COL11A1: variants seen among roughly 807,000 people sequenced by gnomAD.
COL11A1 encodes the protein collagen type XI alpha 1 chain, also known as collagen alpha-1(XI) chain.
COL11A1 carries 74 observed loss-of-function variants against 265.2 expected under a neutral mutation model. That is an observed-to-expected ratio of 0.28 (90% CI 0.23 to 0.34). The LOEUF (loss-of-function observed/expected upper bound fraction) is 0.34, where lower values mean the gene tolerates loss of function less well. Among genes scored for constraint, COL11A1 ranks in the 10% least tolerant of loss-of-function variants. The probability of loss-of-function intolerance (pLI) is 1.00; values close to 1 mark genes in which losing one functional copy is unlikely to be tolerated. For missense variants in COL11A1, 2,165 were observed against 2,263.6 expected, an observed-to-expected ratio of 0.96 and a Z score of 0.88; for synonymous variants, 816 against 727.6, an observed-to-expected ratio of 1.12 and a Z score of -1.96.
chr1:103,073,847 T>C (rs1355964688), intron 4 of COL11A1, among the ~76,000 whole-genome samples: 3 of 151,968 alleles, frequency 2.0e-5, no homozygotes, highest in Admixed American at 6.6e-5. Context: ...TCAAAAAATA[T>C]AGCAAATCTC....
chr1:103,097,419 C>T (rs1479015814), intron 1 of COL11A1, among the ~76,000 whole-genome samples: 1 of 151,920 alleles, frequency 6.6e-6, no homozygotes. Flanking sequence ...GCTCTTTCCT[C>T]TTCACTTTAG....
intron 46 of COL11A1, among the ~76,000 whole-genome samples, chr1:102,925,882 T>G (rs1656539929): frequency 6.6e-6 from 1 of 152,100 alleles, no homozygotes; most frequent in Non-Finnish European, 1.5e-5. Flanking sequence ...AAATTTAAAA[T>G]TACATTCCTT....
At position 102,934,454 on chromosome 1, in the gene COL11A1, G is replaced by C. The variant is rs138507620; in HGVS notation, c.3595C>G (p.Leu1199Val). Residue 1199 changes from leucine (L) to valine (V), a missense_variant, in exon 46 of 67, where the codon CTT becomes GTT. Transcript: ENST00000370096. ...GFPGPPGPIGLQGLPGPPGEK... is the reference protein window; with the variant it reads ...GFPGPPGPIGVQGLPGPPGEK... ...CAATGACAGGATCATCTTACCTGAA[G>C]ACCTATTGGACCAGGAGGTCCAGGG... is the stretch of plus-strand genomic sequence containing the variant. The C allele has an allele frequency of 5.0e-5, 81 of 1,607,350 alleles. No homozygotes were observed. The highest frequency in any genetic ancestry group is 6.7e-5 in the Non-Finnish European group (79 of 1,173,822).
At position 103,002,076 on chromosome 1, in the gene COL11A1, C is replaced by G. The variant is rs562959345; in HGVS notation, c.2098-107G>C. The G allele has an allele frequency of 2.9e-5, 27 of 941,852 alleles. No individual in the cohort carries two copies. In the East Asian group the frequency reaches 4.8e-4, roughly 17 times the overall value. The allele number at this position is 941,852 out of a possible 1,614,324, so 58.3% of individuals were successfully genotyped here. A position where few individuals can be genotyped will look rare whatever the true frequency, so the allele number is the denominator to read the frequency against. ...ATAGTACACAGTGAGTTATAAGAAT[C>G]TGTATATATTCCCATACACCCCAAG... On this transcript the variant is annotated intron_variant, in intron 23 of 66. Coordinates refer to ENST00000370096, the MANE Select transcript of COL11A1 (RefSeq NM_001854.4).
At chr1:102,933,200 GT>G (rs59894331) in intron 46 of COL11A1, among the ~76,000 whole-genome samples, 1 of 144,280 alleles carries the variant, frequency 6.9e-6, no homozygotes, top group Non-Finnish European at 1.5e-5. Flanking sequence ...TTTCTGTTCT[GT>G]TTTTTCCCCA....
At position 103,018,854 on chromosome 1, in the gene COL11A1, C is replaced by A; in HGVS notation, c.1314G>T (p.Met438Ile). 1.9e-6 allele frequency: 3 copies of A among 1,612,422 alleles called. 1 individual carries two copies. In the South Asian group the frequency reaches 3.3e-5, roughly 18 times the overall value. Residue 438 changes from methionine to isoleucine, a missense_variant, in exon 10 of 67, where the codon ATG becomes ATT. Transcript: ENST00000370096. Reference protein sequence around the residue: ...KGEPAVVEPGMLVEGPPGPAG... With the variant: ...KGEPAVVEPGILVEGPPGPAG... The stretch of plus-strand genomic sequence containing the variant: ...CTGGTCCTGGTGGTCCTTCGACAAG[C>A]ATACCCTATAACAGGAAAAGAGAAC...
chr1:102,975,497 G>T (rs1662382924), intron 35 of COL11A1, among the ~76,000 whole-genome samples: 1 of 151,856 alleles, frequency 6.6e-6, no homozygotes, highest in Non-Finnish European at 1.5e-5. Flanking sequence ...TTATTGTGTA[G>T]TTATTAACGT....
At chr1:102,936,314 CTT>C (rs1185106290) in intron 44 of COL11A1, among the ~76,000 whole-genome samples, 2 of 150,574 alleles carry the variant, frequency 1.3e-5, no homozygotes, top group Non-Finnish European at 2.9e-5. Context: ...GGAACACTAA[CTT>C]TTACATGGAA....
At chr1:103,083,087 G>T in intron 1 of COL11A1, 115 bp from the exon 2 acceptor site, 1 of 1,008,882 alleles carries the variant, frequency 9.9e-7, no homozygotes, top group Non-Finnish European at 1.5e-6. Flanking sequence ...TTTATCACTT[G>T]CCATGCTTCC....
intron 37 of COL11A1, among the ~76,000 whole-genome samples, chr1:102,968,057 G>C (rs1661616937): frequency 1.3e-5 from 2 of 152,152 alleles, no homozygotes; most frequent in South Asian, 4.1e-4. Flanking sequence ...CAGAGTGTTT[G>C]CAAGTATCTA....
At chr1:102,935,341 ACT>A (rs1658031814) in intron 44 of COL11A1, among the ~76,000 whole-genome samples, 1 of 152,330 alleles carries the variant, frequency 6.6e-6, no homozygotes, top group Non-Finnish European at 1.5e-5. Flanking sequence ...TGTTGAAAAC[ACT>A]CTCATTTGTA....
In COL11A1 at chr1:102,996,023, C is replaced by G; in HGVS notation, c.2261G>C (p.Gly754Ala). The G allele has an allele frequency of 6.2e-7, 1 of 1,613,290 alleles. No homozygotes were observed. The highest frequency in any genetic ancestry group is 1.1e-5 in the South Asian group (1 of 91,070). ...CCGGGGGCCCGGGTATCCAATAGGA[C>G]CTTGTGGACCAGGGGGACCCTGAAA... The part of the protein sequence containing the change: ...KGALGPPGPQ[G>A]PIGYPGPRGV... Residue 754 changes from glycine (G) to alanine (A), a missense_variant, in exon 27 of 67, where the codon GGT (glycine) becomes GCT (alanine). By Grantham distance (60) the Gly-to-Ala change is moderately conservative. Coordinates refer to ENST00000370096, the MANE Select transcript of COL11A1 (RefSeq NM_001854.4).
intron 28 of COL11A1, among the ~76,000 whole-genome samples, chr1:102,991,140 GATA>G (rs1479717840): frequency 1.3e-5 from 2 of 152,042 alleles, no homozygotes; most frequent in Non-Finnish European, 2.9e-5. Flanking sequence ...CCAAAATAAT[GATA>G]ATGATGATGA....
rs1466607870 is a variant in COL11A1 at position 102,877,999 on chromosome 1, A to G, written c.*20T>C. 5 of 1,612,788 alleles carry G rather than the reference A, an allele frequency of 3.1e-6. No individual in the cohort carries two copies. Among genetic ancestry groups the G allele is most frequent in the Middle Eastern group, 1.7e-4 (1 of 6,044 alleles). ...CCAAGGTATATTTTCTGTTGATTTG[A>G]TATGTTCTTTGTCTTAATCTTAGCC... On this transcript the variant is annotated 3_prime_UTR_variant, in exon 67 of 67. Transcript: ENST00000370096.
chr1:103,019,908 G>A (rs997287171), intron 9 of COL11A1, among the ~76,000 whole-genome samples: 1 of 148,992 alleles, frequency 6.7e-6, no homozygotes, highest in Non-Finnish European at 1.5e-5. Context: ...TCCCTACAAA[G>A]GACATGAACT....
intron 38 of COL11A1, 114 bp downstream of exon 38, chr1:102,965,373 A>T (rs1661310077): frequency 9.2e-7 from 1 of 1,084,288 alleles, no homozygotes; most frequent in Admixed American, 1.8e-5. Flanking sequence ...AATCTGAAAT[A>T]AAAAATACAT....
At chr1:103,015,551 AT>A in intron 12 of COL11A1, 116 bp downstream of exon 12, 2 of 751,178 alleles carry the variant, frequency 2.7e-6, no homozygotes, top group Non-Finnish European at 4.2e-6. Context: ...AATTTCAAGT[AT>A]TTCTACCTTG....
intron 4 of COL11A1, among the ~76,000 whole-genome samples, chr1:103,048,271 T>C (rs527430488): frequency 5.9e-5 from 9 of 152,284 alleles, no homozygotes; most frequent in Non-Finnish European, 1.2e-4. Flanking sequence ...ATTATTGCCT[T>C]AATTTCAGAG....
chr1:102,894,522 A>C (rs928070468), intron 57 of COL11A1, among the ~76,000 whole-genome samples: 37 of 80,048 alleles, frequency 4.6e-4, no homozygotes, highest in African/African-American at 1.8e-3. Context: ...TGATAGAGTG[A>C]GACTCTGTCT....
Sources: gnomAD v4.1 joint callset for allele counts (sites outside exome capture counted in the v4.1 genomes callset) on GRCh38, gnomAD v4.1.1 for gene constraint, MANE v1.5 for transcripts, NCBI Gene and HGNC (gene_info 2026-07-23, HGNC 2026-07-21) for gene names.